The following IL5RA variants were observed in gnomAD, a reference collection of about 807,000 sequenced individuals.
The protein encoded by IL5RA is interleukin-5 receptor subunit alpha.
IL5RA carries 49 observed loss-of-function variants against 50.0 expected under a neutral mutation model. The observed-to-expected ratio is 0.98, with a 90% CI of 0.78 to 1.24. The LOEUF is 1.24. Ranked by LOEUF, IL5RA falls within the 50% of genes most tolerant of loss-of-function variation. The pLI, the probability that IL5RA is intolerant of heterozygous loss-of-function variation, is 0.00. For missense variants in IL5RA, 600 were observed against 500.4 expected, an observed-to-expected ratio of 1.20 and a Z score of -1.90; for synonymous variants, 202 against 174.0, an observed-to-expected ratio of 1.16 and a Z score of -1.26.
chr3:3,095,920 C>T (rs996637899), intron 7 of IL5RA, among the ~76,000 whole-genome samples: 3 of 152,200 alleles, frequency 2.0e-5, no homozygotes, highest in East Asian at 1.9e-4. Flanking sequence ...TTGTTTACTG[C>T]GTCTTTTGGT....
At chr3:3,071,714 C>T (rs141888052) in intron 11 of IL5RA, among the ~76,000 whole-genome samples, 12 of 152,036 alleles carry the variant, frequency 7.9e-5, no homozygotes, top group East Asian at 1.9e-4. Context: ...CTCAGCCTCC[C>T]GAGTATCTGA....
intron 9 of IL5RA, among the ~76,000 whole-genome samples, chr3:3,088,644 A>T (rs918567525): frequency 6.6e-6 from 1 of 152,156 alleles, no homozygotes; most frequent in African/African-American, 2.4e-5. Context: ...GTCAACATTG[A>T]CTATGACTTC....
intron 9 of IL5RA, among the ~76,000 whole-genome samples, chr3:3,083,968 C>G (rs556159520): frequency 6.6e-6 from 1 of 151,878 alleles, no homozygotes; most frequent in East Asian, 1.9e-4. Flanking sequence ...TTGCTTGAAC[C>G]CCCATGGGAG....
In IL5RA at chr3:3,081,700, G is replaced by C. The variant is rs970757586; in HGVS notation, c.995-5073C>G. Among the ~76,000 whole-genome samples the C allele has an allele frequency of 4.6e-5, 7 of 152,178 alleles. No homozygotes were observed. In the East Asian group the frequency reaches 5.8e-4, roughly 13 times the overall value. On this transcript the variant is annotated intron_variant, in intron 9 of 11. Transcript: ENST00000446632. ...AGTTATTCACTTCAGCCCTCACTTTGATAAGCGAAGATTCTCACTGAATTA... is the reference window on the plus strand; with the variant it reads ...AGTTATTCACTTCAGCCCTCACTTTCATAAGCGAAGATTCTCACTGAATTA...
intron 9 of IL5RA, among the ~76,000 whole-genome samples, chr3:3,086,579 T>A (rs1447044287): frequency 6.6e-6 from 1 of 151,780 alleles, no homozygotes; most frequent in African/African-American, 2.4e-5. Context: ...CCAGCTATAG[T>A]CCCAGCTACT....
rs535726933 is a variant in IL5RA, at chr3:3,096,248, A to G, written c.710-804T>C. Among the ~76,000 whole-genome samples, 139 of 150,710 alleles carry G rather than the reference A, an allele frequency of 9.2e-4. 5 individuals are homozygous for G. The highest frequency in any genetic ancestry group is 9.1e-3 in the Admixed American group (137 of 15,024). Reference sequence around the variant, plus strand: ...AGCCGAGATCGCGCCACTGCACTCCAACCTGGGTGACAGAGCAAGAAATCT... The same window carrying G: ...AGCCGAGATCGCGCCACTGCACTCCGACCTGGGTGACAGAGCAAGAAATCT... On this transcript the variant is annotated intron_variant, in intron 7 of 11. Coordinates refer to ENST00000446632, the MANE Select transcript of IL5RA (RefSeq NM_175726.4).
chr3:3,109,697 C>T (rs1170470366), intron 1 of IL5RA, among the ~76,000 whole-genome samples: 2 of 152,110 alleles, frequency 1.3e-5, no homozygotes, highest in Non-Finnish European at 2.9e-5. Context: ...TTAATGGGAC[C>T]ATTATTAGTT....
intron 5 of IL5RA, among the ~76,000 whole-genome samples, chr3:3,100,912 C>T (rs953238814): frequency 5.3e-5 from 8 of 151,426 alleles, no homozygotes; most frequent in Admixed American, 2.0e-4. Context: ...TTTGGGAGGC[C>T]GAGGCGGGTG....
rs1702243442 is a variant in IL5RA at position 3,070,010 on chromosome 3, G to T, written c.*215C>A. ...GAGAAAAAACATGGCAAAATGCTTG[G>T]ATGAGTCAACTTCCCTGCTGTAGGT... On this transcript the variant is annotated 3_prime_UTR_variant, in exon 12 of 12. Transcript: ENST00000446632. The T allele has an allele frequency of 2.1e-6, 1 of 482,402 alleles. No homozygotes were observed. Among genetic ancestry groups the T allele is most frequent in the Admixed American group, 3.9e-5 (1 of 25,388 alleles). 29.9% of individuals were successfully genotyped at this position (482,402 alleles called of 1,614,324 possible).
chr3:3,101,201 TGAG>T (rs1703638946), intron 5 of IL5RA, among the ~76,000 whole-genome samples: 2 of 146,972 alleles, frequency 1.4e-5, no homozygotes, highest in African/African-American at 5.0e-5. Context: ...AAAAAGTAAA[TGAG>T]AAGATCTTTA....
intron 9 of IL5RA, among the ~76,000 whole-genome samples, chr3:3,085,614 C>T (rs1017553059): frequency 6.6e-6 from 1 of 152,098 alleles, no homozygotes; most frequent in African/African-American, 2.4e-5. Context: ...GTTTTTGATT[C>T]CAGGTGCCCA....
chr3:3,090,285 G>A (rs767226363), intron 9 of IL5RA: 1 of 1,466,020 alleles, frequency 6.8e-7, no homozygotes, highest in Non-Finnish European at 9.4e-7. Context: ...TTATTTGTCT[G>A]GGGATACACA....
chr3:3,101,178 C>CA (rs10606924), intron 5 of IL5RA, among the ~76,000 whole-genome samples: 16 of 142,150 alleles, frequency 1.1e-4, no homozygotes, highest in African/African-American at 3.6e-4. Flanking sequence ...GATTCTATCT[C>CA]AAAAAAAAAA....
chr3:3,105,194 T>A (rs1703850521), intron 2 of IL5RA, among the ~76,000 whole-genome samples: 1 of 152,182 alleles, frequency 6.6e-6, no homozygotes, highest in African/African-American at 2.4e-5. Context: ...GAATGAAATA[T>A]AAATTGATAA....
chr3:3,103,719 G>A (rs6778167), intron 3 of IL5RA, among the ~76,000 whole-genome samples: 119,914 of 152,156 alleles, frequency 0.79, 47,438 homozygotes, highest in South Asian at 0.89. Context: ...CAGATAAGCA[G>A]AAAGAAGAAA....
In IL5RA at chr3:3,104,975, C is replaced by T. The variant is rs200813490; in HGVS notation, c.10G>A (p.Val4Met). 137 of 1,610,176 alleles carry T rather than the reference C, an allele frequency of 8.5e-5. No homozygotes were observed. The highest frequency in any genetic ancestry group is 2.2e-5 in the Non-Finnish European group (26 of 1,177,004). MII[V>M]AHVLLILLGA... is the part of the protein sequence containing the mutation. ...AAAAGGATGAGTAATACATGCGCCA[C>T]GATGATCATATCCTACAGAAAACAA... is the stretch of plus-strand genomic sequence containing the variant. The change falls in exon 3 of 12, where the codon GTG (valine) becomes ATG (methionine). Residue 4 changes from valine (V) to methionine (M), a missense_variant. Val to Met is a conservative substitution (Grantham distance 21). Coordinates refer to ENST00000446632, the MANE Select transcript of IL5RA (RefSeq NM_175726.4).
intron 8 of IL5RA, among the ~76,000 whole-genome samples, chr3:3,093,133 A>G (rs568364543): frequency 2.3e-4 from 35 of 152,238 alleles, no homozygotes; most frequent in African/African-American, 8.2e-4. Flanking sequence ...AAAAGAAGCC[A>G]CTTCTTTATT....
chr3:3,095,338 A>G lies in IL5RA; in HGVS notation c.816T>C (p.Tyr272=). 1 of 1,608,260 alleles carries G rather than the reference A, an allele frequency of 6.2e-7. No individual in the cohort carries two copies. The highest frequency in any genetic ancestry group is 8.5e-7 in the Non-Finnish European group (1 of 1,175,090). The change falls in exon 8 of 12, where the codon TAT becomes TAC. Residue 272 remains tyrosine, a synonymous_variant. Transcript: ENST00000446632. ...TCCTTGTATTGTGTATTTTTACTTC[A>G]TAATCAAAGCAATGGATTGGAAAAG... is the stretch of plus-strand genomic sequence containing the variant. The part of the protein sequence containing the change: ...VSAFPIHCFD[Y]EVKIHNTRNG...
At chr3:3,076,734 C>T in intron 9 of IL5RA, 107 bp from the exon 10 acceptor site, 1 of 662,626 alleles carries the variant, frequency 1.5e-6, no homozygotes, top group South Asian at 2.0e-5. Flanking sequence ...GTTTGAGTTG[C>T]CGGTGCTGGG....
Sources: gnomAD v4.1 joint callset for allele counts (sites outside exome capture counted in the v4.1 genomes callset) on GRCh38, gnomAD v4.1.1 for gene constraint, MANE v1.5 for transcripts, NCBI Gene and HGNC (gene_info 2026-07-23, HGNC 2026-07-21) for gene names.